The following ZNF496 variants were observed in gnomAD, a reference collection of about 807,000 sequenced individuals.
The protein encoded by ZNF496 is zinc finger protein 496, also known as NSD1 (nuclear receptor binding SET-domain containing 1)-interacting zinc finger protein 1.
ZNF496 carries 11 observed loss-of-function variants against 58.9 expected under a neutral mutation model. The observed-to-expected ratio is 0.19, with a 90% CI of 0.12 to 0.31. The LOEUF (loss-of-function observed/expected upper bound fraction) is 0.31. Among genes scored for constraint, ZNF496 ranks in the 10% least tolerant of loss-of-function variants. The pLI is 1.00. For missense variants in ZNF496, 660 were observed against 783.0 expected, an observed-to-expected ratio of 0.84 and a Z score of 1.88; for synonymous variants, 338 against 318.2, an observed-to-expected ratio of 1.06 and a Z score of -0.66.
intron 5 of ZNF496, among the ~76,000 whole-genome samples, chr1:247,326,387 T>C (rs773139796): frequency 1.3e-5 from 2 of 152,168 alleles, no homozygotes; most frequent in African/African-American, 2.4e-5. Flanking sequence ...ACTTTGCCTA[T>C]TGATTATTGC....
In ZNF496 at chr1:247,309,976, C is replaced by G. The variant is rs745329142; in HGVS notation, c.785-170G>C. On this transcript the variant is annotated intron_variant, in intron 7 of 9. Coordinates refer to ENST00000682384, the MANE Select transcript of ZNF496 (RefSeq NM_032752.3). The surrounding 1 kb of genome is among the most constrained non-coding windows in gnomAD (Gnocchi z 4.3). Reference sequence around the variant, plus strand: ...GTGCAGGGGCAGTGGGGGCAGCACACGCAGGGAGAGCTATGGGCTTGGGGG... The same window carrying G: ...GTGCAGGGGCAGTGGGGGCAGCACAGGCAGGGAGAGCTATGGGCTTGGGGG... 6 of 1,335,572 alleles carry G rather than the reference C, an allele frequency of 4.5e-6. No individual in the cohort carries two copies. Among genetic ancestry groups the G allele is most frequent in the Non-Finnish European group, 5.0e-6 (5 of 1,006,114 alleles). The allele number at this position is 1,335,572 out of a possible 1,614,324, so 82.7% of individuals were successfully genotyped here.
intron 6 of ZNF496, among the ~76,000 whole-genome samples, chr1:247,316,644 A>AT (rs953292102): frequency 1.3e-5 from 2 of 152,078 alleles, no homozygotes; most frequent in East Asian, 1.9e-4. Context: ...GAAGTCAATT[A>AT]TTTTTTTTAT....
chr1:247,330,778 T>G (rs1470120542), intron 2 of ZNF496, among the ~76,000 whole-genome samples: 1 of 152,170 alleles, frequency 6.6e-6, no homozygotes, highest in Non-Finnish European at 1.5e-5. Flanking sequence ...CGTCTTAACC[T>G]CCAACAGCTC....
In ZNF496 at chr1:247,323,228, G is replaced by T; in HGVS notation, c.577C>A (p.Leu193Met). Residue 193 changes from leucine (L) to methionine (M), a missense_variant and splice_region_variant, in exon 6 of 10, where the codon CTG becomes ATG. Leu to Met is a conservative substitution (Grantham distance 15, BLOSUM62 2). Transcript: ENST00000682384. ...TCCTGAAGAAGGAAAGCATCTTGCA[G>T]AACTGAAAGAGATCAGAAAATGGTG... ...PPSQLSGDPV[L>M]QDAFLLQEEN... 6.2e-7 allele frequency: 1 copy of T among 1,613,764 alleles called. No individual in the cohort carries two copies. The highest frequency in any genetic ancestry group is 2.2e-5 in the East Asian group (1 of 44,866).
intron 5 of ZNF496, among the ~76,000 whole-genome samples, chr1:247,326,017 T>C (rs1179229279): frequency 7.0e-6 from 1 of 142,306 alleles, no homozygotes; most frequent in African/African-American, 2.7e-5. Context: ...GAGACATATG[T>C]ATATATATAT....
Position 247,300,727 on chromosome 1 carries a change from T to C in ZNF496, c.1556A>G (p.Lys519Arg). Reference protein sequence around the residue: ...PKEPLENGKAKLSFQCCECGK... With the variant: ...PKEPLENGKARLSFQCCECGK... The stretch of plus-strand genomic sequence containing the variant: ...ACACTCACAGCACTGGAAGCTCAGT[T>C]TGGCCTTGCCGTTTTCCAGCGGCTC... The change falls in exon 10 of 10, where the codon AAA becomes AGA. Residue 519 changes from lysine to arginine, a missense_variant. Physicochemically the swap from Lys to Arg is conservative, Grantham distance 26. Transcript: ENST00000682384. The surrounding 1 kb of genome is among the most constrained non-coding windows in gnomAD (Gnocchi z 5.7). 6.2e-7 allele frequency: 1 copy of C among 1,613,082 alleles called. No homozygotes were observed. The highest frequency in any genetic ancestry group is 8.5e-7 in the Non-Finnish European group (1 of 1,179,242).
At chr1:247,316,153 T>C in intron 6 of ZNF496, among the ~76,000 whole-genome samples, 1 of 140,198 alleles carries the variant, frequency 7.1e-6, no homozygotes, top group South Asian at 2.3e-4. Flanking sequence ...TGTGTGTGTG[T>C]GTGTGTGTGT....
chr1:247,329,665 C>T lies in ZNF496; in HGVS notation c.-37-50G>A. 2 of 1,478,862 alleles carry T rather than the reference C, an allele frequency of 1.4e-6. No homozygotes were observed. Among genetic ancestry groups the T allele is most frequent in the Non-Finnish European group, 1.8e-6 (2 of 1,109,154 alleles). 91.6% of individuals were successfully genotyped at this position (1,478,862 alleles called of 1,614,324 possible). A position where few individuals can be genotyped will look rare whatever the true frequency, so the allele number is the denominator to read the frequency against. On this transcript the variant is annotated intron_variant, in intron 3 of 9. Coordinates refer to ENST00000682384, the MANE Select transcript of ZNF496 (RefSeq NM_032752.3). The surrounding 1 kb of genome is among the most constrained non-coding windows in gnomAD (Gnocchi z 5.5). Reference sequence around the variant, plus strand: ...CTTCAGTGTTCTGGTCTCCTGTGGTCATTTCTGGGGGACAGTGACAAGGAA... The same window carrying T: ...CTTCAGTGTTCTGGTCTCCTGTGGTTATTTCTGGGGGACAGTGACAAGGAA...
chr1:247,302,039 C>T (rs1482838732), intron 9 of ZNF496, among the ~76,000 whole-genome samples: 4 of 152,316 alleles, frequency 2.6e-5, no homozygotes, highest in South Asian at 2.1e-4. Context: ...GGTGGAACCA[C>T]GGGGCGGGGC....
chr1:247,322,794 T>C (rs1359337498), intron 6 of ZNF496: 94 of 1,301,706 alleles, frequency 7.2e-5, no homozygotes, highest in Non-Finnish European at 8.9e-5. Context: ...GATTATTAAA[T>C]TGAAAAATTC....
intron 5 of ZNF496, among the ~76,000 whole-genome samples, chr1:247,326,105 TAC>T (rs1413058180): frequency 2.0e-5 from 3 of 149,922 alleles, no homozygotes; most frequent in South Asian, 2.1e-4. Flanking sequence ...CACATATATA[TAC>T]ACACACATAT....
chr1:247,300,451 GGGCGCT>G lies in ZNF496; in HGVS notation c.*62_*67del, dbSNP rs1446600737. On this transcript the variant is annotated 3_prime_UTR_variant, in exon 10 of 10. Transcript: ENST00000682384. This position sits in a 1 kb window ranked among gnomAD's most constrained non-coding sequence, Gnocchi z 5.7. ...CCTGGGGAAGGTATGTCCTGGGTGG[GGGCGCT>G]GATCAGTACCAAGGTGAGGGGGCAG... The G allele has an allele frequency of 5.4e-6, 8 of 1,492,560 alleles. No homozygotes were observed. The Admixed American group carries it at 1.5e-4, about 28-fold the overall frequency. 92.5% of individuals were successfully genotyped at this position (1,492,560 alleles called of 1,614,324 possible). A position where few individuals can be genotyped will look rare whatever the true frequency, so the allele number is the denominator to read the frequency against.
intron 9 of ZNF496, 86 bp from the exon 10 acceptor site, chr1:247,301,362 G>A (rs570200287): frequency 1.4e-6 from 2 of 1,459,900 alleles, no homozygotes; most frequent in South Asian, 1.5e-5. Flanking sequence ...ACTCAGCTTG[G>A]AGTTTACAAA....
chr1:247,320,693 A>C (rs1427716426), intron 6 of ZNF496, among the ~76,000 whole-genome samples: 3 of 152,250 alleles, frequency 2.0e-5, no homozygotes, highest in South Asian at 4.1e-4. Context: ...ATGGCATGTG[A>C]ATCTACAATT....
At chr1:247,307,883 G>A (rs564195296) in intron 9 of ZNF496, 2 of 985,060 alleles carry the variant, frequency 2.0e-6, no homozygotes, top group South Asian at 4.7e-5. Context: ...TTACCAAGAC[G>A]ACTCAGAGTC....
chr1:247,318,172 T>C (rs1006340376), intron 6 of ZNF496, among the ~76,000 whole-genome samples: 3 of 152,158 alleles, frequency 2.0e-5, no homozygotes, highest in African/African-American at 7.2e-5. Context: ...AATAAAGTTA[T>C]TCCATCTGAA....
intron 9 of ZNF496, among the ~76,000 whole-genome samples, chr1:247,304,405 C>T (rs1371629600): frequency 6.9e-6 from 1 of 145,454 alleles, no homozygotes; most frequent in Non-Finnish European, 1.5e-5. Context: ...GGGTTTCGCT[C>T]TTGCTGCCCA....
In ZNF496 at chr1:247,300,781, G is replaced by A. The variant is rs941622796; in HGVS notation, c.1502C>T (p.Ala501Val). 49 of 1,602,860 alleles carry A rather than the reference G, an allele frequency of 3.1e-5. 2 individuals carry two copies. Among genetic ancestry groups the A allele is most frequent in the Non-Finnish European group, 3.7e-5 (43 of 1,172,312 alleles). Residue 501 changes from alanine to valine, a missense_variant, in exon 10 of 10, where the codon GCA (alanine) becomes GTA (valine). Transcript: ENST00000682384. This position sits in a 1 kb window ranked among gnomAD's most constrained non-coding sequence, Gnocchi z 5.7. ...LQPVEKREQA[A>V]SEDADKGPKE... The stretch of plus-strand genomic sequence containing the variant: ...GGGACCCTTGTCCGCGTCCTCGGAT[G>A]CCGCCTGCTCTCTCTTCTCCACCGG...
rs562419767 is a variant in ZNF496 at position 247,307,313 on chromosome 1, T to C, written c.1006+1162A>G. The C allele has an allele frequency of 8.1e-6, 8 of 985,452 alleles. No homozygotes were observed. The East Asian group carries it at 9.1e-4, about 112-fold the overall frequency. The allele number at this position is 985,452 out of a possible 1,614,324, so 61.0% of individuals were successfully genotyped here. A position where few individuals can be genotyped will look rare whatever the true frequency, so the allele number is the denominator to read the frequency against. On this transcript the variant is annotated intron_variant, in intron 9 of 9. Coordinates refer to ENST00000682384, the MANE Select transcript of ZNF496 (RefSeq NM_032752.3). The stretch of plus-strand genomic sequence containing the variant: ...CTCTCCCCTTTCTCAGTAGCAACCC[T>C]TGGCTTCTGGCTGTTTCAGAGCAGT...
Sources: allele counts gnomAD v4.1 joint callset (sites outside exome capture counted in the v4.1 genomes callset), GRCh38; gene constraint gnomAD v4.1.1; non-coding constraint Gnocchi (gnomAD v3.1); transcripts MANE v1.5; gene names NCBI Gene and HGNC (gene_info 2026-07-23, HGNC 2026-07-21).